DGKI: variants seen among roughly 807,000 people sequenced by gnomAD.
The protein encoded by DGKI is DAG kinase iota.
DGKI carries 55 observed loss-of-function variants against 147.5 expected under a neutral mutation model. The observed-to-expected ratio is 0.37, with a 90% CI of 0.30 to 0.47. The LOEUF (loss-of-function observed/expected upper bound fraction) is 0.47. Among genes scored for constraint, DGKI ranks in the 20% least tolerant of loss-of-function variants. DGKI has a pLI of 1.00. For synonymous variants in DGKI, 469 were observed against 477.1 expected, an observed-to-expected ratio of 0.98 and a Z score of 0.22; for missense variants, 1,007 against 1,323.8, an observed-to-expected ratio of 0.76 and a Z score of 3.71.
chr7:137,547,937 G>A (rs950649033), intron 20 of DGKI, among the ~76,000 whole-genome samples: 1 of 152,166 alleles, frequency 6.6e-6, no homozygotes, highest in Non-Finnish European at 1.5e-5. Context: ...AAGAGGACCA[G>A]AGAGCAAAAC....
rs143172427 is a variant in DGKI, at chr7:137,625,457, C to T, written c.805-1903G>A. Reference sequence around the variant, plus strand: ...CCTGAGGGATAGAGCAAGACTCCATCTCAAAAAAAATAATAAAATAAAAAA... The same window carrying T: ...CCTGAGGGATAGAGCAAGACTCCATTTCAAAAAAAATAATAAAATAAAAAA... On this transcript the variant is annotated intron_variant, in intron 6 of 32. Transcript: ENST00000614521. Among the ~76,000 whole-genome samples, 238 of 151,602 alleles carry T rather than the reference C, an allele frequency of 1.6e-3. 1 individual carries two copies. The highest frequency in any genetic ancestry group is 5.6e-3 in the African/African-American group (230 of 41,342).
rs552555753 is a variant in DGKI, at chr7:137,744,507, A to G, written c.402-54505T>C. 4.6e-5 allele frequency among the ~76,000 whole-genome samples: 7 copies of G among 152,316 alleles called. No homozygotes were observed. In the East Asian group the frequency reaches 5.8e-4, roughly 13 times the overall value. On this transcript the variant is annotated intron_variant, in intron 1 of 32. Coordinates refer to ENST00000614521, the MANE Select transcript of DGKI (RefSeq NM_001321708.2). ...TACCAATCCTACTGATACTCTTCCAAAAAAATCAAGGAGGGTCTCCTCCTA... is the reference window on the plus strand; with the variant it reads ...TACCAATCCTACTGATACTCTTCCAGAAAAATCAAGGAGGGTCTCCTCCTA...
At chr7:137,766,308 G>C (rs537631921) in intron 1 of DGKI, among the ~76,000 whole-genome samples, 1 of 152,190 alleles carries the variant, frequency 6.6e-6, no homozygotes, top group Non-Finnish European at 1.5e-5. Flanking sequence ...ATCAAATATG[G>C]TTGTGTCAAC....
chr7:137,395,735 G>A, intron 31 of DGKI, 38 bp from the exon 32 acceptor site: 4 of 1,595,092 alleles, frequency 2.5e-6, no homozygotes, highest in Non-Finnish European at 3.4e-6. Context: ...CCCATAAAGG[G>A]GTTGGAGGCA....
chr7:137,466,138 G>A, intron 25 of DGKI, 103 bp from the exon 26 acceptor site: 1 of 1,385,164 alleles, frequency 7.2e-7, no homozygotes, highest in East Asian at 2.4e-5. Context: ...ATCACACTGT[G>A]TTGTCAGAAG....
chr7:137,483,804 C>G (rs1815456525), intron 23 of DGKI, among the ~76,000 whole-genome samples: 2 of 152,074 alleles, frequency 1.3e-5, no homozygotes, highest in Non-Finnish European at 2.9e-5. Context: ...GCATAGTATT[C>G]CATAGTATAT....
rs775170295 is a variant in DGKI at position 137,466,911 on chromosome 7, G to C, written c.2475C>G (p.Asp825Glu). The C allele has an allele frequency of 1.2e-6, 2 of 1,614,086 alleles. No homozygotes were observed. The highest frequency in any genetic ancestry group is 1.7e-6 in the Non-Finnish European group (2 of 1,180,002). ...ATSADRFYRI[D>E]RSQEHLHFVM... ...CTGGAAAAAAACTTACCTGAGATCT[G>C]TCTATTCGATAAAAGCGATCAGCAG... The change falls in exon 25 of 33, where the codon GAC becomes GAG. Residue 825 changes from aspartate to glutamate, a missense_variant. Transcript: ENST00000614521.
At chr7:137,626,679 T>C (rs1189620489) in intron 6 of DGKI, among the ~76,000 whole-genome samples, 1 of 152,170 alleles carries the variant, frequency 6.6e-6, no homozygotes, top group Non-Finnish European at 1.5e-5. Flanking sequence ...GTGGCTACTG[T>C]GTGGGAAGGA....
At chr7:137,686,993 G>A (rs1466382040) in intron 2 of DGKI, among the ~76,000 whole-genome samples, 1 of 152,060 alleles carries the variant, frequency 6.6e-6, no homozygotes, top group Non-Finnish European at 1.5e-5. Flanking sequence ...TTTCCTTACA[G>A]ATGAAGGAAG....
intron 23 of DGKI, among the ~76,000 whole-genome samples, chr7:137,472,476 ATATATAT>A (rs1815020234): frequency 7.0e-6 from 1 of 142,098 alleles, no homozygotes; most frequent in Admixed American, 7.5e-5. Flanking sequence ...TTATATATAC[ATATATAT>A]TATATATACA....
At chr7:137,741,768 T>C (rs1292699051) in intron 1 of DGKI, among the ~76,000 whole-genome samples, 1 of 152,178 alleles carries the variant, frequency 6.6e-6, no homozygotes, top group Non-Finnish European at 1.5e-5. Flanking sequence ...ATTTGTATGC[T>C]CACTCCAATT....
At chr7:137,713,425 G>T (rs998975926) in intron 1 of DGKI, among the ~76,000 whole-genome samples, 1 of 152,140 alleles carries the variant, frequency 6.6e-6, no homozygotes, top group Non-Finnish European at 1.5e-5. Context: ...GACACAAGTT[G>T]TCTATGGAAT....
intron 1 of DGKI, chr7:137,722,276 G>A (rs1483740263): frequency 1.9e-6 from 3 of 1,609,974 alleles, no homozygotes; most frequent in South Asian, 2.2e-5. Context: ...AAACCAGTTG[G>A]TGGTGACAAG....
intron 21 of DGKI, among the ~76,000 whole-genome samples, chr7:137,500,483 T>C (rs1195715125): frequency 6.6e-6 from 1 of 152,142 alleles, no homozygotes; most frequent in Non-Finnish European, 1.5e-5. Context: ...CTCAGCAAAT[T>C]CAAAATCTTC....
chr7:137,479,338 CTCT>C (rs571492706), intron 23 of DGKI, among the ~76,000 whole-genome samples: 3 of 152,096 alleles, frequency 2.0e-5, no homozygotes, highest in Non-Finnish European at 4.4e-5. Context: ...CGTGAATCTT[CTCT>C]TATGATATAT....
rs185182809 is a variant in DGKI, at chr7:137,452,297, A to G, written c.2736-8195T>C. ...CTCAGCAGTGGGATTCCCCAGGACC[A>G]CAGACTATGGATGGAGTAGAAGAGG... On this transcript the variant is annotated intron_variant, in intron 27 of 32. Transcript: ENST00000614521. 1.6e-4 allele frequency among the ~76,000 whole-genome samples: 24 copies of G among 152,326 alleles called. No individual in the cohort carries two copies. The South Asian group carries it at 4.1e-3, about 26-fold the overall frequency.
chr7:137,435,264 T>C (rs532219998), intron 28 of DGKI, among the ~76,000 whole-genome samples: 14 of 152,116 alleles, frequency 9.2e-5, no homozygotes, highest in East Asian at 3.9e-4. Context: ...GGAAAGAAAA[T>C]TGGAACACAC....
At position 137,381,817 on chromosome 7, in the gene DGKI, A is replaced by G. The variant is rs908833898; in HGVS notation, c.*9403T>C. The G allele has an allele frequency of 6.6e-6, 1 of 152,112 alleles. No individual in the cohort carries two copies. The highest frequency in any genetic ancestry group is 2.4e-5 in the African/African-American group (1 of 41,440). 9.4% of individuals were successfully genotyped at this position (152,112 alleles called of 1,614,324 possible). On this transcript the variant is annotated 3_prime_UTR_variant, in exon 33 of 33. Transcript: ENST00000614521. The stretch of plus-strand genomic sequence containing the variant: ...GTTTTGCAAAATATTCTGTTGTGTT[A>G]GAATATTTTGTCTATGAGAGTTCTA...
At chr7:137,624,563 T>A (rs1484409825) in intron 6 of DGKI, among the ~76,000 whole-genome samples, 2 of 152,114 alleles carry the variant, frequency 1.3e-5, no homozygotes, top group African/African-American at 4.8e-5. Flanking sequence ...CAGTACTTTA[T>A]ATACTACCGA....
Sources: gnomAD v4.1 joint callset for allele counts (sites outside exome capture counted in the v4.1 genomes callset) on GRCh38, gnomAD v4.1.1 for gene constraint, MANE v1.5 for transcripts, NCBI Gene and HGNC (gene_info 2026-07-23, HGNC 2026-07-21) for gene names.